The following PPM1J variants were observed in gnomAD, a reference collection of about 807,000 sequenced individuals.
PPM1J encodes the protein protein phosphatase, Mg2+/Mn2+ dependent 1J.
PPM1J carries 43 observed loss-of-function variants against 53.3 expected under a neutral mutation model. That is an observed-to-expected ratio of 0.81 (90% CI 0.63 to 1.04). The LOEUF (loss-of-function observed/expected upper bound fraction) is 1.04, where lower values mean the gene tolerates loss of function less well. PPM1J is among the 50% of genes least tolerant of loss of function. The pLI, the probability that PPM1J is intolerant of heterozygous loss-of-function variation, is 0.00. For missense variants in PPM1J, 635 were observed against 685.9 expected, an observed-to-expected ratio of 0.93 and a Z score of 0.83; for synonymous variants, 267 against 286.4, an observed-to-expected ratio of 0.93 and a Z score of 0.68.
At position 112,712,876 on chromosome 1, in the gene PPM1J, T is replaced by A. The variant is rs752395606; in HGVS notation, c.597A>T (p.Pro199=). The A allele has an allele frequency of 5.6e-6, 9 of 1,613,760 alleles. No homozygotes were observed. Among genetic ancestry groups the A allele is most frequent in the Non-Finnish European group, 6.8e-6 (8 of 1,180,006 alleles). The part of the protein sequence containing the change: ...QDPSPPPLCL[P]TTPGTPDSSD... ...AGGAATCTGGGGTCCCCGGAGTGGT[T>A]GGGAGGCAGAGGGGTGGTGGCGAAG... is the stretch of plus-strand genomic sequence containing the variant. Residue 199 remains proline (P), a synonymous_variant, in exon 3 of 10, where the codon CCA becomes CCT. Coordinates refer to ENST00000309276, the MANE Select transcript of PPM1J (RefSeq NM_005167.7).
At position 112,714,981 on chromosome 1, in the gene PPM1J, G is replaced by A; in HGVS notation, c.321C>T (p.Tyr107=). The part of the protein sequence containing the change: ...TGRRLPWSTG[Y]AEVINAGKSR... ...GTGCCCCAGGGGGCGCTCACTCGGC[G>A]TAGCCTGTGCTCCAGGGCAGGCGGC... The change falls in exon 1 of 10, where the codon TAC becomes TAT. Residue 107 remains tyrosine, a synonymous_variant. Transcript: ENST00000309276. 2 of 1,428,878 alleles carry A rather than the reference G, an allele frequency of 1.4e-6. No homozygotes were observed. Among genetic ancestry groups the A allele is most frequent in the African/African-American group, 1.5e-5 (1 of 67,548 alleles). The allele number at this position is 1,428,878 out of a possible 1,614,324, so 88.5% of individuals were successfully genotyped here.
At position 112,712,425 on chromosome 1, in the gene PPM1J, G is replaced by C. The variant is rs1292117949; in HGVS notation, c.762C>G (p.His254Gln). Residue 254 changes from histidine to glutamine, a missense_variant, in exon 4 of 10, where the codon CAC becomes CAG. His to Gln is a conservative substitution (Grantham distance 24). Coordinates refer to ENST00000309276, the MANE Select transcript of PPM1J (RefSeq NM_005167.7). ...GTGCACAGCAGCCCCCCTCCACTTG[G>C]TGGCCACGCCGCTCCCGGGCCATCT... Reference protein sequence around the residue: ...DEQMARERRGHQVEGGCCALV... With the variant: ...DEQMARERRGQQVEGGCCALV... The C allele has an allele frequency of 1.2e-6, 2 of 1,613,746 alleles. No individual in the cohort carries two copies. Among genetic ancestry groups the C allele is most frequent in the African/African-American group, 1.3e-5 (1 of 74,822 alleles).
chr1:112,712,866 C>T lies in PPM1J; in HGVS notation c.607G>A (p.Gly203Arg). ...GAGGGATCGGAGGAATCTGGGGTCC[C>T]CGGAGTGGTTGGGAGGCAGAGGGGT... Reference protein sequence around the residue: ...PPPLCLPTTPGTPDSSDPSHL... With the variant: ...PPPLCLPTTPRTPDSSDPSHL... The change falls in exon 3 of 10, where the codon GGG becomes AGG. Residue 203 changes from glycine (G) to arginine (R), a missense_variant. Transcript: ENST00000309276. The T allele has an allele frequency of 1.2e-6, 2 of 1,613,910 alleles. No homozygotes were observed. The highest frequency in any genetic ancestry group is 1.7e-6 in the Non-Finnish European group (2 of 1,180,002).
At chr1:112,711,686 C>T (rs1190847738) in intron 5 of PPM1J, among the ~76,000 whole-genome samples, 4 of 152,178 alleles carry the variant, frequency 2.6e-5, no homozygotes, top group East Asian at 1.9e-4. Flanking sequence ...GGCACTAAGC[C>T]GGACTGCCTT....
rs1174590928 is a variant in PPM1J at position 112,713,689 on chromosome 1, T to C, written c.327-78A>G. ...TAACCCCCACCTTAGACACACACCG[T>C]CTCCTGCGCCCGCTGGCCAAGCTGA... On this transcript the variant is annotated intron_variant, in intron 1 of 9. Coordinates refer to ENST00000309276, the MANE Select transcript of PPM1J (RefSeq NM_005167.7). 2.6e-6 allele frequency: 3 copies of C among 1,174,684 alleles called. No homozygotes were observed. In the African/African-American group the frequency reaches 4.5e-5, roughly 18 times the overall value. The allele number at this position is 1,174,684 out of a possible 1,614,324, so 72.8% of individuals were successfully genotyped here. A position where few individuals can be genotyped will look rare whatever the true frequency, so the allele number is the denominator to read the frequency against.
In PPM1J at chr1:112,712,058, G is replaced by A. The variant is rs778075072; in HGVS notation, c.843-3C>T. 118 of 1,604,854 alleles carry A rather than the reference G, an allele frequency of 7.4e-5. No homozygotes were observed. Among genetic ancestry groups the A allele is most frequent in the Non-Finnish European group, 7.3e-5 (86 of 1,174,136 alleles). ...CACCATTCCGGACAATGATGGCCCT[G>A]CCCAAAGAAAGAAAAGGAATTGGGA... On this transcript the variant is annotated splice_region_variant and splice_polypyrimidine_tract_variant and intron_variant, in intron 4 of 9. Coordinates refer to ENST00000309276, the MANE Select transcript of PPM1J (RefSeq NM_005167.7).
chr1:112,711,771 C>T (rs577204487), intron 5 of PPM1J, among the ~76,000 whole-genome samples, 200 bp downstream of exon 5: 5 of 152,266 alleles, frequency 3.3e-5, no homozygotes, highest in Non-Finnish European at 5.9e-5. Context: ...AGTGGGAGCA[C>T]TGGACCAGCC....
chr1:112,714,610 G>A lies in PPM1J; in HGVS notation c.326+366C>T, dbSNP rs146490132. 6.4e-4 allele frequency: 687 copies of A among 1,075,022 alleles called. 3 individuals carry two copies. The African/African-American group carries it at 9.9e-3, about 15-fold the overall frequency. The allele number at this position is 1,075,022 out of a possible 1,614,324, so 66.6% of individuals were successfully genotyped here. A position where few individuals can be genotyped will look rare whatever the true frequency, so the allele number is the denominator to read the frequency against. Reference sequence around the variant, plus strand: ...TATGTCCCCTATTAAAAAGAACCCCGCTCCTTCGTGAAACCCCTTTTCCCT... The same window carrying A: ...TATGTCCCCTATTAAAAAGAACCCCACTCCTTCGTGAAACCCCTTTTCCCT... On this transcript the variant is annotated intron_variant, in intron 1 of 9. Transcript: ENST00000309276.
rs1675115238 is a variant in PPM1J, at chr1:112,713,177, G to A, written c.442-146C>T. 52 of 799,620 alleles carry A rather than the reference G, an allele frequency of 6.5e-5. No homozygotes were observed. In the East Asian group the frequency reaches 1.3e-3, roughly 21 times the overall value. The allele number at this position is 799,620 out of a possible 1,614,324, so 49.5% of individuals were successfully genotyped here. ...GTGTTTGCTACTGAAGGCAAATTAG[G>A]TTTATTCACATAAGGCTTCGTATGT... On this transcript the variant is annotated intron_variant, in intron 2 of 9. Coordinates refer to ENST00000309276, the MANE Select transcript of PPM1J (RefSeq NM_005167.7).
intron 1 of PPM1J, chr1:112,714,475 T>C (rs1161942059): frequency 1.0e-6 from 1 of 986,412 alleles, no homozygotes; most frequent in Non-Finnish European, 1.2e-6. Context: ...GGCGGCCTCC[T>C]GGTGTCGCGG....
chr1:112,710,723 G>A (rs1476010954), intron 8 of PPM1J, 21 bp downstream of exon 8: 8 of 1,613,084 alleles, frequency 5.0e-6, no homozygotes, highest in Non-Finnish European at 6.8e-6. Flanking sequence ...GAGAAGGCAA[G>A]GTGTGGTTTA....
intron 1 of PPM1J, chr1:112,713,952 C>G (rs1675133948): frequency 1.1e-6 from 1 of 905,066 alleles, no homozygotes; most frequent in Non-Finnish European, 1.5e-6. Context: ...TAGTTGGTAG[C>G]AGAAGTTTTA....
intron 6 of PPM1J, 30 bp from the exon 7 acceptor site, chr1:112,711,101 C>G: frequency 1.9e-6 from 3 of 1,604,260 alleles, no homozygotes; most frequent in Non-Finnish European, 2.6e-6. Flanking sequence ...GGAGGCATCA[C>G]CCAGGCATCA....
rs1052618079 is a variant in PPM1J at position 112,715,293 on chromosome 1, G to A, written c.9C>T (p.Asn3=). 7.4e-5 allele frequency: 96 copies of A among 1,297,812 alleles called. No homozygotes were observed. The Middle Eastern group carries it at 1.5e-3, about 20-fold the overall frequency. 80.4% of individuals were successfully genotyped at this position (1,297,812 alleles called of 1,614,324 possible). ...GGTGCGCCACGGCCGAGCGCACCCG[G>A]TTTAGCATGCTGCCTCCCTGCCCCG... ML[N]RVRSAVAHLV... is the part of the protein sequence containing the mutation. Residue 3 remains asparagine (N), a synonymous_variant, in exon 1 of 10, where the codon AAC becomes AAT. Coordinates refer to ENST00000309276, the MANE Select transcript of PPM1J (RefSeq NM_005167.7). The surrounding 1 kb of genome is among the most constrained non-coding windows in gnomAD (Gnocchi z 4.4).
At chr1:112,713,632 C>T (rs2101483971) in intron 1 of PPM1J, 21 bp from the exon 2 acceptor site, 6 of 1,590,336 alleles carry the variant, frequency 3.8e-6, no homozygotes, top group East Asian at 2.2e-5. Context: ...AGAATGACCA[C>T]ATCAGGTTGG....
chr1:112,713,803 G>A (rs1214610595), intron 1 of PPM1J, among the ~76,000 whole-genome samples, 192 bp from the exon 2 acceptor site: 2 of 152,060 alleles, frequency 1.3e-5, no homozygotes, highest in African/African-American at 2.4e-5. Context: ...TGGGTGGCCA[G>A]CCCTACCACT....
At chr1:112,714,580 ACCGCTATGT>A (rs1448600047) in intron 1 of PPM1J, 19 of 1,016,110 alleles carry the variant, frequency 1.9e-5, no homozygotes, top group Non-Finnish European at 2.0e-5. Flanking sequence ...AGTCTTCCCA[ACCGCTATGT>A]CCCCTATTAA....
intron 1 of PPM1J, 108 bp downstream of exon 1, chr1:112,714,868 C>A: frequency 1.5e-6 from 2 of 1,320,684 alleles, no homozygotes; most frequent in Non-Finnish European, 1.9e-6. Context: ...GAAAAGGGAG[C>A]TCCTGGCCCG....
At chr1:112,711,178 C>T (rs1312881810) in intron 6 of PPM1J, 88 bp downstream of exon 6, 5 of 1,455,830 alleles carry the variant, frequency 3.4e-6, no homozygotes, top group Admixed American at 3.4e-5. Context: ...ATCCTCCCAA[C>T]TCCCAGCCTC....
Sources: allele counts gnomAD v4.1 joint callset (sites outside exome capture counted in the v4.1 genomes callset), GRCh38; gene constraint gnomAD v4.1.1; non-coding constraint Gnocchi (gnomAD v3.1); transcripts MANE v1.5; gene names NCBI Gene and HGNC (gene_info 2026-07-23, HGNC 2026-07-21).